CRB1: variants seen among roughly 807,000 people sequenced by gnomAD.
The protein encoded by CRB1 is crumbs cell polarity complex component 1, also known as protein crumbs homolog 1.
CRB1 carries 83 observed loss-of-function variants against 120.0 expected under a neutral mutation model. The observed-to-expected ratio is 0.69, with a 90% CI of 0.58 to 0.83. CRB1 has a LOEUF of 0.83. Among genes scored for constraint, CRB1 ranks in the 40% least tolerant of loss-of-function variants. The pLI, the probability that CRB1 is intolerant of heterozygous loss-of-function variation, is 0.00. For missense variants in CRB1, 1,699 were observed against 1,687.6 expected, an observed-to-expected ratio of 1.01 and a Z score of -0.12; for synonymous variants, 625 against 612.5, an observed-to-expected ratio of 1.02 and a Z score of -0.30.
At position 197,477,663 on chromosome 1, in the gene CRB1, G is replaced by T. The variant is rs752804194; in HGVS notation, c.4006-1G>T. On this transcript the variant is annotated splice_acceptor_variant, in intron 11 of 11. Transcript: ENST00000367400. LOFTEE classifies it high-confidence loss of function. ...CATCCCAATGATTTCAATCTTTCCA[G>T]TTGGCAGATGACTTGATCTCCGACA... The T allele has an allele frequency of 6.2e-7, 1 of 1,613,358 alleles. No homozygotes were observed. The highest frequency in any genetic ancestry group is 2.2e-5 in the East Asian group (1 of 44,878).
intron 10 of CRB1, chr1:197,440,017 C>T (rs545474930): frequency 1.3e-5 from 2 of 152,262 alleles, no homozygotes; most frequent in East Asian, 1.9e-4. Context: ...AAGGAGATAG[C>T]CTTGAGTCAC....
chr1:197,337,646 C>CT, intron 2 of CRB1, among the ~76,000 whole-genome samples: 1 of 152,112 alleles, frequency 6.6e-6, no homozygotes, highest in African/African-American at 2.4e-5. Context: ...CAATGTTTGC[C>CT]TTTGTTTTTT....
chr1:197,246,537 CTT>C, the CRB1 span, among the ~76,000 whole-genome samples: 2 of 151,852 alleles, frequency 1.3e-5, no homozygotes, highest in Non-Finnish European at 2.9e-5. Context: ...TTAGAGTCTC[CTT>C]ATATTTATTG....
intron 5 of CRB1, among the ~76,000 whole-genome samples, chr1:197,393,295 G>A (rs905662529): frequency 3.9e-5 from 6 of 152,074 alleles, no homozygotes; most frequent in Non-Finnish European, 7.4e-5. Flanking sequence ...ACTTCTGAAA[G>A]CTAGGTTTGC....
At chr1:197,241,982 G>T in the CRB1 span, among the ~76,000 whole-genome samples, 1 of 151,996 alleles carries the variant, frequency 6.6e-6, no homozygotes, top group African/African-American at 2.4e-5. Context: ...TCATGATTTG[G>T]CTCTCTGTTT....
chr1:197,407,637 C>G (rs781645681), intron 5 of CRB1, among the ~76,000 whole-genome samples: 1 of 152,138 alleles, frequency 6.6e-6, no homozygotes, highest in Non-Finnish European at 1.5e-5. Flanking sequence ...AAAAATGCAG[C>G]TATCTGAGCC....
At chr1:197,403,658 A>G (rs1663182980) in intron 5 of CRB1, among the ~76,000 whole-genome samples, 1 of 151,852 alleles carries the variant, frequency 6.6e-6, no homozygotes, top group African/African-American at 2.4e-5. Context: ...TCCTTATATG[A>G]GCCAATAAAT....
At chr1:197,428,913 G>C (rs1664732174) in intron 7 of CRB1, 1 of 1,491,076 alleles carries the variant, frequency 6.7e-7, no homozygotes, top group African/African-American at 1.4e-5. Flanking sequence ...CTTTCATTTT[G>C]AATACTTTTT....
At chr1:197,433,734 A>G (rs753426575) in intron 8 of CRB1, among the ~76,000 whole-genome samples, 6 of 152,168 alleles carry the variant, frequency 3.9e-5, no homozygotes, top group Non-Finnish European at 7.4e-5. Flanking sequence ...ATGATGCAAG[A>G]AAGAAAAAGA....
the CRB1 span, chr1:197,223,122 T>C: frequency 3.5e-6 from 3 of 858,704 alleles, no homozygotes; most frequent in South Asian, 2.7e-5. Context: ...TCAGTGATTT[T>C]CAACATGATA....
chr1:197,346,460 A>G (rs1659781219), intron 3 of CRB1, among the ~76,000 whole-genome samples: 1 of 152,186 alleles, frequency 6.6e-6, no homozygotes, highest in Non-Finnish European at 1.5e-5. Flanking sequence ...AACAAATGGA[A>G]TACTGAATAG....
chr1:197,440,180 C>T (rs554540412), intron 10 of CRB1: 1 of 152,240 alleles, frequency 6.6e-6, no homozygotes, highest in South Asian at 2.1e-4. Context: ...TGGGTTGCTT[C>T]CTGGTTGAAC....
chr1:197,347,939 C>CATATAGAGGATAATTAGACGA (rs1377493350), intron 4 of CRB1, among the ~76,000 whole-genome samples: 2 of 144,340 alleles, frequency 1.4e-5, no homozygotes, highest in Admixed American at 6.6e-5. Flanking sequence ...TTAAAGTTTA[C>CATATAGAGGATAATTAGACGA]ATATAGAGGA....
Position 197,427,550 on chromosome 1 carries a change from T to C in CRB1, c.2225T>C (p.Phe742Ser), listed in dbSNP as rs140494140. The change falls in exon 7 of 12, where the codon TTT (phenylalanine) becomes TCT (serine). Residue 742 changes from phenylalanine (F) to serine (S), a missense_variant. Coordinates refer to ENST00000367400, the MANE Select transcript of CRB1 (RefSeq NM_201253.3). ...GGAGACACCATCAGCCTCTCCATGT[T>C]TGTCCGAACGCTTCAACCATCAGGC... is the stretch of plus-strand genomic sequence containing the variant. Reference protein sequence around the residue: ...SYGDTISLSMFVRTLQPSGLL... With the variant: ...SYGDTISLSMSVRTLQPSGLL... The C allele has an allele frequency of 2.4e-5, 39 of 1,613,856 alleles. No individual in the cohort carries two copies. In the African/African-American group the frequency reaches 4.7e-4, roughly 19 times the overall value.
the CRB1 span, among the ~76,000 whole-genome samples, chr1:197,220,042 AT>A: frequency 6.6e-6 from 1 of 151,912 alleles, no homozygotes; most frequent in Non-Finnish European, 1.5e-5. Context: ...CATAGCTATA[AT>A]TTTTTTTGTG....
Position 197,467,158 on chromosome 1 carries a change from T to TA in CRB1, c.4006-10501dup, listed in dbSNP as rs542814970. ...GGGGTTGGAGGAACTATTTTCCTTA[T>TA]AAAAATTGTTTGTTAAATTATTACT... On this transcript the variant is annotated intron_variant, in intron 11 of 11. Coordinates refer to ENST00000367400, the MANE Select transcript of CRB1 (RefSeq NM_201253.3). 3.3e-5 allele frequency among the ~76,000 whole-genome samples: 5 copies of TA among 152,292 alleles called. No homozygotes were observed. In the South Asian group the frequency reaches 1.0e-3, roughly 32 times the overall value.
rs910299744 is a variant in CRB1 at position 197,434,870 on chromosome 1, A to G, written c.3007A>G (p.Ile1003Val). 1 of 1,613,756 alleles carries G rather than the reference A, an allele frequency of 6.2e-7. No homozygotes were observed. Among genetic ancestry groups the G allele is most frequent in the Non-Finnish European group, 8.5e-7 (1 of 1,179,842 alleles). Residue 1003 changes from isoleucine (I) to valine (V), a missense_variant, in exon 9 of 12, where the codon ATT (isoleucine) becomes GTT (valine). Coordinates refer to ENST00000367400, the MANE Select transcript of CRB1 (RefSeq NM_201253.3). ...AGAGCCTGAATTTCTTAATATTAGC[A>G]TTCAAGATTCCAGATTATTCTTTCA... ...EKEPEFLNISIQDSRLFFQLQ... is the reference protein window; with the variant it reads ...EKEPEFLNISVQDSRLFFQLQ...
intron 5 of CRB1, among the ~76,000 whole-genome samples, chr1:197,373,138 A>G (rs931410263): frequency 2.6e-5 from 4 of 152,130 alleles, no homozygotes; most frequent in South Asian, 2.1e-4. Context: ...CTCTTCTCCA[A>G]TCATCTGCTC....
chr1:197,386,729 A>G (rs746805611), intron 5 of CRB1, among the ~76,000 whole-genome samples: 17 of 152,156 alleles, frequency 1.1e-4, no homozygotes, highest in Admixed American at 3.3e-4. Context: ...GAGAATATAC[A>G]TGGGGGAAAA....
Sources: gnomAD v4.1 joint callset for allele counts (sites outside exome capture counted in the v4.1 genomes callset) on GRCh38, gnomAD v4.1.1 for gene constraint, MANE v1.5 for transcripts, NCBI Gene and HGNC (gene_info 2026-07-23, HGNC 2026-07-21) for gene names.